Variants in SLC35F1 observed in about 807,000 individuals in gnomAD.
The protein encoded by SLC35F1 is solute carrier family 35 member F1, also known as chromosome 6 open reading frame 169.
SLC35F1 carries 14 observed loss-of-function variants against 48.7 expected under a neutral mutation model. The observed-to-expected ratio is 0.29, with a 90% confidence interval of 0.19 to 0.45. The LOEUF is 0.45. Ranked by LOEUF, SLC35F1 falls within the 20% of genes least tolerant of loss-of-function variation. SLC35F1 has a pLI of 1.00. For synonymous variants in SLC35F1, 190 were observed against 202.2 expected (o/e 0.94, Z 0.51); for missense variants, 404 against 500.0 (o/e 0.81, Z 1.83).
At chr6:117,914,059 C>T (rs1239090129) in intron 1 of SLC35F1, among the ~76,000 whole-genome samples, 1 of 151,694 alleles carries the variant, frequency 6.6e-6, no homozygotes, top group Non-Finnish European at 1.5e-5. Flanking sequence ...TCAAAAAAAT[C>T]CCCCCAAAAA....
At chr6:118,302,992 A>AAC (rs1554246443) in intron 7 of SLC35F1, among the ~76,000 whole-genome samples, 1 of 151,602 alleles carries the variant, frequency 6.6e-6, no homozygotes, top group African/African-American at 2.4e-5. Context: ...AAAAAAAAAA[A>AAC]ACATTAAACC....
At chr6:118,093,141 C>T (rs1773100711) in intron 1 of SLC35F1, among the ~76,000 whole-genome samples, 1 of 151,966 alleles carries the variant, frequency 6.6e-6, no homozygotes, top group Admixed American at 6.6e-5. Context: ...TGTGGTGAAA[C>T]CCCATCTCTA....
rs1476369584 is a variant in SLC35F1 at position 117,923,723 on chromosome 6, A to ATG, written c.173+15825_173+15826insGT. Among the ~76,000 whole-genome samples, 658 of 67,858 alleles carry ATG rather than the reference A, an allele frequency of 9.7e-3. 101 individuals are homozygous for ATG. Among genetic ancestry groups the ATG allele is most frequent in the African/African-American group, 0.02 (207 of 10,262 alleles). 44.5% of individuals were successfully genotyped at this position (67,858 alleles called of 152,430 possible). ...TACATATATGTACATATATACATAT[A>ATG]TACATATGTATATATACATATATGT... On this transcript the variant is annotated intron_variant, in intron 1 of 7. Transcript: ENST00000360388.
At chr6:118,120,479 G>A (rs994043572) in intron 1 of SLC35F1, among the ~76,000 whole-genome samples, 1 of 152,138 alleles carries the variant, frequency 6.6e-6, no homozygotes, top group Non-Finnish European at 1.5e-5. Context: ...CTTTATAGCT[G>A]TATATGTAAA....
chr6:118,005,075 G>A (rs9489295), intron 1 of SLC35F1, among the ~76,000 whole-genome samples: 1 of 152,044 alleles, frequency 6.6e-6, no homozygotes, highest in Non-Finnish European at 1.5e-5. Context: ...ATTCTGAGAA[G>A]AGTTTCCAGA....
chr6:118,163,269 G>GTAT (rs1169603815), intron 2 of SLC35F1, among the ~76,000 whole-genome samples: 1 of 152,034 alleles, frequency 6.6e-6, no homozygotes, highest in Non-Finnish European at 1.5e-5. Flanking sequence ...TGGCCAATGT[G>GTAT]TATGAATCTT....
intron 1 of SLC35F1, among the ~76,000 whole-genome samples, chr6:118,041,952 A>T (rs946149739): frequency 6.6e-6 from 1 of 152,090 alleles, no homozygotes; most frequent in Non-Finnish European, 1.5e-5. Context: ...CTTTAAAAAA[A>T]AAAAGCATCA....
At chr6:118,026,233 A>G (rs1235810308) in intron 1 of SLC35F1, among the ~76,000 whole-genome samples, 1 of 152,212 alleles carries the variant, frequency 6.6e-6, no homozygotes, top group Admixed American at 6.5e-5. Context: ...AAAGGACAGC[A>G]AAGATTCAGA....
chr6:118,268,402 A>G (rs1035932620), intron 4 of SLC35F1, among the ~76,000 whole-genome samples: 1 of 151,906 alleles, frequency 6.6e-6, no homozygotes, highest in African/African-American at 2.4e-5. Context: ...TAAATACCTC[A>G]GTGTTTCCCA....
chr6:118,245,633 T>A (rs1775497760), intron 3 of SLC35F1, among the ~76,000 whole-genome samples: 1 of 152,206 alleles, frequency 6.6e-6, no homozygotes, highest in South Asian at 2.1e-4. Flanking sequence ...CCAACCTTTG[T>A]GATTCCTGCA....
chr6:117,975,063 G>A (rs1315577585), intron 1 of SLC35F1, among the ~76,000 whole-genome samples: 2 of 152,216 alleles, frequency 1.3e-5, no homozygotes, highest in Non-Finnish European at 1.5e-5. Flanking sequence ...AGCCACTGAT[G>A]TAAGTCAAGT....
At chr6:118,099,913 A>G (rs1192032448) in intron 1 of SLC35F1, among the ~76,000 whole-genome samples, 2 of 152,230 alleles carry the variant, frequency 1.3e-5, no homozygotes. Context: ...TAAAGAAGAG[A>G]TAAAATACAT....
chr6:118,223,584 A>T (rs1283943730), intron 2 of SLC35F1, among the ~76,000 whole-genome samples: 1 of 152,174 alleles, frequency 6.6e-6, no homozygotes, highest in Non-Finnish European at 1.5e-5. Context: ...ATGCCTGACA[A>T]ATGGTGTTCA....
At chr6:118,119,506 C>T (rs1773524718) in intron 1 of SLC35F1, among the ~76,000 whole-genome samples, 1 of 116,098 alleles carries the variant, frequency 8.6e-6, no homozygotes, top group Non-Finnish European at 1.8e-5. Flanking sequence ...CCCCCCTCCA[C>T]CCCGCTTTTT....
chr6:118,107,090 G>C (rs1209602252), intron 1 of SLC35F1, among the ~76,000 whole-genome samples: 2 of 152,138 alleles, frequency 1.3e-5, no homozygotes, highest in African/African-American at 4.8e-5. Context: ...AGTAAGGATA[G>C]GGATCTAGCC....
chr6:118,022,844 G>C lies in SLC35F1; in HGVS notation c.173+114945G>C, dbSNP rs534873102. Among the ~76,000 whole-genome samples, 303 of 150,816 alleles carry C rather than the reference G, an allele frequency of 2.0e-3. 2 individuals carry two copies. Among genetic ancestry groups the C allele is most frequent in the African/African-American group, 7.1e-3 (293 of 40,982 alleles). On this transcript the variant is annotated intron_variant, in intron 1 of 7. Coordinates refer to ENST00000360388, the MANE Select transcript of SLC35F1 (RefSeq NM_001029858.4). ...CGGCTCACTGCAAGCTCCGCCTCCT[G>C]GGTTCGCGCCATTCTCCTGCCTCAG...
At chr6:118,154,144 G>T (rs1344305587) in intron 1 of SLC35F1, among the ~76,000 whole-genome samples, 1 of 152,052 alleles carries the variant, frequency 6.6e-6, no homozygotes, top group Non-Finnish European at 1.5e-5. Flanking sequence ...GGCACCCAGA[G>T]GTCAGTAGCT....
At chr6:118,000,306 A>C (rs1476128889) in intron 1 of SLC35F1, among the ~76,000 whole-genome samples, 1 of 146,030 alleles carries the variant, frequency 6.8e-6, no homozygotes, top group East Asian at 2.0e-4. Flanking sequence ...TATGCAAATC[A>C]ATAAATGTAA....
In SLC35F1 at chr6:118,302,728, T is replaced by A. The variant is rs570661361; in HGVS notation, c.1003-11300T>A. Among the ~76,000 whole-genome samples, 137 of 152,304 alleles carry A rather than the reference T, an allele frequency of 9.0e-4. 1 individual carries two copies. Among genetic ancestry groups the A allele is most frequent in the Middle Eastern group, 3.4e-3 (1 of 294 alleles). On this transcript the variant is annotated intron_variant, in intron 7 of 7. Transcript: ENST00000360388. ...TGATATTAATAGGTATAAAGTTTAA[T>A]TTTAAAAAGGAAAAAGAAACTAGCA... is the stretch of plus-strand genomic sequence containing the variant.
Sources: allele counts gnomAD v4.1 joint callset (sites outside exome capture counted in the v4.1 genomes callset), GRCh38; gene constraint gnomAD v4.1.1; transcripts MANE v1.5; gene names NCBI Gene and HGNC (gene_info 2026-07-23, HGNC 2026-07-21).